Variants in APOC4 observed in about 807,000 individuals in gnomAD.
The protein encoded by APOC4 is apolipoprotein C-IV.
APOC4 carries 10 observed loss-of-function variants against 8.4 expected under a neutral mutation model. That is an observed-to-expected ratio of 1.19 (90% CI 0.74 to 2.03). The LOEUF is 2.03. Ranked by LOEUF, APOC4 falls within the 30% of genes most tolerant of loss-of-function variation. The probability of loss-of-function intolerance (pLI) is 0.00; values close to 1 mark genes in which losing one functional copy is unlikely to be tolerated. For synonymous variants in APOC4, 59 were observed against 65.8 expected, an observed-to-expected ratio of 0.90 and a Z score of 0.50; for missense variants, 160 against 156.1, an observed-to-expected ratio of 1.02 and a Z score of -0.13.
intron 1 of APOC4, 47 bp from the exon 2 acceptor site, chr19:44,944,702 G>A (rs1303857695): frequency 6.4e-7 from 1 of 1,570,526 alleles, no homozygotes; most frequent in Non-Finnish European, 8.6e-7. Flanking sequence ...GGGAGAAGGG[G>A]ATTCTAGGGT....
At chr19:44,943,282 T>C (rs1271462876) in intron 1 of APOC4, among the ~76,000 whole-genome samples, 1 of 151,822 alleles carries the variant, frequency 6.6e-6, no homozygotes, top group African/African-American at 2.4e-5. Context: ...TTGCCCAGGC[T>C]GGTCTTGAAA....
intron 1 of APOC4, among the ~76,000 whole-genome samples, chr19:44,944,475 C>T (rs536243786): frequency 1.5e-4 from 23 of 150,318 alleles, no homozygotes; most frequent in Non-Finnish European, 1.0e-4. Context: ...TGCAATGAGA[C>T]GAGATCATGA....
In APOC4 at chr19:44,945,182, C is replaced by T. The variant is rs150368388; in HGVS notation, c.261C>T (p.Asp87=). The change falls in exon 3 of 3, where the codon GAC becomes GAT. Residue 87 remains aspartate (D), a synonymous_variant. Coordinates refer to ENST00000592954, the MANE Select transcript of APOC4 (RefSeq NM_001646.3). The part of the protein sequence containing the change: ...TFRGFMQTYY[D]DHLRDLGPLT... ...GGGGCTTCATGCAGACCTACTATGA[C>T]GACCACCTGAGGGACCTGGGTCCGC... 101 of 1,614,052 alleles carry T rather than the reference C, an allele frequency of 6.3e-5. No individual in the cohort carries two copies. The African/African-American group carries it at 6.5e-4, about 10-fold the overall frequency.
chr19:44,943,205 G>A (rs1970279231), intron 1 of APOC4, among the ~76,000 whole-genome samples: 1 of 151,834 alleles, frequency 6.6e-6, no homozygotes, highest in South Asian at 2.1e-4. Flanking sequence ...ATAGGCGTGA[G>A]CCACTGCGCC....
chr19:44,942,953 G>A (rs1970276039), intron 1 of APOC4, among the ~76,000 whole-genome samples: 4 of 151,244 alleles, frequency 2.6e-5, no homozygotes, highest in South Asian at 4.2e-4. Context: ...ACGGAGTCTC[G>A]CTCTGTTACC....
chr19:44,944,708 AG>A, intron 1 of APOC4, 40 bp from the exon 2 acceptor site: 1 of 1,578,950 alleles, frequency 6.3e-7, no homozygotes, highest in Non-Finnish European at 8.6e-7. Flanking sequence ...AGGGGATTCT[AG>A]GGTCCCAGCC....
In APOC4 at chr19:44,942,268, A is replaced by G; in HGVS notation, c.-10A>G. 1 of 1,607,246 alleles carries G rather than the reference A, an allele frequency of 6.2e-7. No homozygotes were observed. The highest frequency in any genetic ancestry group is 8.5e-7 in the Non-Finnish European group (1 of 1,176,756). ...GAGCACAGAGGGACAGAGGCACGGA[A>G]CCCCCAGAAATGTCCCTCCTCAGAA... On this transcript the variant is annotated 5_prime_UTR_variant, in exon 1 of 3. Coordinates refer to ENST00000592954, the MANE Select transcript of APOC4 (RefSeq NM_001646.3).
chr19:44,945,276 C>T lies in APOC4; in HGVS notation c.355C>T (p.Leu119Phe), dbSNP rs374888893. Residue 119 changes from leucine (L) to phenylalanine (F), a missense_variant, in exon 3 of 3, where the codon CTT becomes TTT. Coordinates refer to ENST00000592954, the MANE Select transcript of APOC4 (RefSeq NM_001646.3). ...LKKTHSLCPR[L>F]VCGDKDQG ...GAAGACCCACAGCCTGTGCCCCAGGCTTGTCTGTGGGGACAAGGACCAGGG... is the reference window on the plus strand; with the variant it reads ...GAAGACCCACAGCCTGTGCCCCAGGTTTGTCTGTGGGGACAAGGACCAGGG... The T allele has an allele frequency of 1.2e-6, 2 of 1,613,850 alleles. No individual in the cohort carries two copies. Among genetic ancestry groups the T allele is most frequent in the South Asian group, 1.1e-5 (1 of 91,070 alleles).
At chr19:44,944,359 T>C (rs534263179) in intron 1 of APOC4, among the ~76,000 whole-genome samples, 1 of 152,010 alleles carries the variant, frequency 6.6e-6, no homozygotes, top group African/African-American at 2.4e-5. Context: ...AAACCCCATC[T>C]CTTCTAAAAA....
At chr19:44,943,365 G>C (rs1413417985) in intron 1 of APOC4, among the ~76,000 whole-genome samples, 1 of 150,068 alleles carries the variant, frequency 6.7e-6, no homozygotes, top group Non-Finnish European at 1.5e-5. Context: ...CACCACGCCC[G>C]GCCATGTACT....
intron 2 of APOC4, 57 bp from the exon 3 acceptor site, chr19:44,945,083 G>T: frequency 1.3e-6 from 2 of 1,581,332 alleles, no homozygotes; most frequent in Non-Finnish European, 8.6e-7. Context: ...GGATAAATGG[G>T]GCAGAGAACA....
At position 44,944,796 on chromosome 19, in the gene APOC4, C is replaced by G; in HGVS notation, c.124C>G (p.Leu42Val). The change falls in exon 2 of 3, where the codon CTA becomes GTA. Residue 42 changes from leucine (L) to valine (V), a missense_variant. Transcript: ENST00000592954. ...AGGAACCCTGAGCCCCCCACCAAAG[C>G]TAAAGATGAGTCGCTGGAGCCTGGT... is the stretch of plus-strand genomic sequence containing the variant. Reference protein sequence around the residue: ...QEGTLSPPPKLKMSRWSLVRG... With the variant: ...QEGTLSPPPKVKMSRWSLVRG... 1 of 1,611,956 alleles carries G rather than the reference C, an allele frequency of 6.2e-7. No individual in the cohort carries two copies. Among genetic ancestry groups the G allele is most frequent in the Non-Finnish European group, 8.5e-7 (1 of 1,179,336 alleles).
intron 1 of APOC4, among the ~76,000 whole-genome samples, chr19:44,942,865 A>G (rs1188002167): frequency 2.7e-5 from 4 of 146,498 alleles, no homozygotes; most frequent in Admixed American, 6.9e-5. Flanking sequence ...GTTTCAAGGG[A>G]TTCTCCTGCC....
intron 1 of APOC4, among the ~76,000 whole-genome samples, chr19:44,943,524 A>G (rs1366317442): frequency 6.6e-6 from 1 of 151,732 alleles, no homozygotes; most frequent in Non-Finnish European, 1.5e-5. Flanking sequence ...GAGATTTGAG[A>G]TCATCCTGGC....
Position 44,944,661 on chromosome 19 carries a change from G to A in APOC4, c.77-88G>A, listed in dbSNP as rs12721104. 6,961 of 1,468,348 alleles carry A rather than the reference G, an allele frequency of 4.7e-3. 275 individuals carry two copies. The African/African-American group carries it at 0.09, about 19-fold the overall frequency. 91.0% of individuals were successfully genotyped at this position (1,468,348 alleles called of 1,614,324 possible). A position where few individuals can be genotyped will look rare whatever the true frequency, so the allele number is the denominator to read the frequency against. Reference sequence around the variant, plus strand: ...GGCAGGGGGCTGCCCCTGGGCCACCGGGAGCGACACAGGATGAGCATGGAG... The same window carrying A: ...GGCAGGGGGCTGCCCCTGGGCCACCAGGAGCGACACAGGATGAGCATGGAG... On this transcript the variant is annotated intron_variant, in intron 1 of 2. Coordinates refer to ENST00000592954, the MANE Select transcript of APOC4 (RefSeq NM_001646.3).
intron 1 of APOC4, among the ~76,000 whole-genome samples, chr19:44,942,673 T>A (rs1031376858): frequency 2.6e-5 from 4 of 151,986 alleles, no homozygotes; most frequent in Non-Finnish European, 5.9e-5. Context: ...GGGGTATGTG[T>A]GTGCAAAATA....
chr19:44,945,359 T>C lies in APOC4; in HGVS notation c.*54T>C, dbSNP rs1970307379. The C allele has an allele frequency of 9.6e-6, 15 of 1,561,680 alleles. No homozygotes were observed. The South Asian group carries it at 1.8e-4, about 18-fold the overall frequency. Reference sequence around the variant, plus strand: ...GGCGGGTGCCTGTAGTCCCAGCTACTCAGGAGGCTGAGGTAGGATGATGGC... The same window carrying C: ...GGCGGGTGCCTGTAGTCCCAGCTACCCAGGAGGCTGAGGTAGGATGATGGC... On this transcript the variant is annotated 3_prime_UTR_variant, in exon 3 of 3. Coordinates refer to ENST00000592954, the MANE Select transcript of APOC4 (RefSeq NM_001646.3).
At chr19:44,942,457 G>A in intron 1 of APOC4, 104 bp downstream of exon 1, 4 of 1,153,092 alleles carry the variant, frequency 3.5e-6, no homozygotes, top group Non-Finnish European at 4.9e-6. Flanking sequence ...AGTACGGAGT[G>A]TGTGCGTTTC....
rs1012182740 is a variant in APOC4, at chr19:44,945,198, C to G, written c.277C>G (p.Leu93Val). The G allele has an allele frequency of 6.2e-7, 1 of 1,613,984 alleles. No homozygotes were observed. The highest frequency in any genetic ancestry group is 8.5e-7 in the Non-Finnish European group (1 of 1,180,006). The stretch of plus-strand genomic sequence containing the variant: ...CTACTATGACGACCACCTGAGGGAC[C>G]TGGGTCCGCTCACCAAGGCCTGGTT... ...QTYYDDHLRD[L>V]GPLTKAWFLE... Residue 93 changes from leucine to valine, a missense_variant, in exon 3 of 3, where the codon CTG becomes GTG. Physicochemically the swap from Leu to Val is conservative, Grantham distance 32 (BLOSUM62 1). Coordinates refer to ENST00000592954, the MANE Select transcript of APOC4 (RefSeq NM_001646.3).
Sources: gnomAD v4.1 joint callset for allele counts (sites outside exome capture counted in the v4.1 genomes callset) on GRCh38, gnomAD v4.1.1 for gene constraint, MANE v1.5 for transcripts, NCBI Gene and HGNC (gene_info 2026-07-23, HGNC 2026-07-21) for gene names.